MKRN2OS: variants seen among roughly 807,000 people sequenced by gnomAD.
MKRN2OS encodes the protein MKRN2 opposite strand protein.
In MKRN2OS, 17 loss-of-function variants were observed where a neutral mutation model predicts 18.2. The ratio of observed to expected loss-of-function variants is 0.93; its 90% CI spans 0.64 to 1.40. The LOEUF is 1.40. Ranked by LOEUF, MKRN2OS falls within the 40% of genes most tolerant of loss-of-function variation. The pLI is 0.00. For missense variants in MKRN2OS, 337 were observed against 283.0 expected, an observed-to-expected ratio of 1.19 and a Z score of -1.37; for synonymous variants, 121 against 108.5, an observed-to-expected ratio of 1.12 and a Z score of -0.72.
chr3:12,551,950 GAAAA>G (rs976725001), downstream of MKRN2OS, among the ~76,000 whole-genome samples: 1 of 149,608 alleles, frequency 6.7e-6, no homozygotes, highest in Non-Finnish European at 1.5e-5. Context: ...TCAGAAAAAA[GAAAA>G]AAAAATCAAG....
upstream of MKRN2OS, among the ~76,000 whole-genome samples, chr3:12,549,621 C>T (rs1272848230): frequency 6.6e-6 from 1 of 152,184 alleles, no homozygotes; most frequent in African/African-American, 2.4e-5. Flanking sequence ...AATCAGTGCT[C>T]ATTGCAGCCT....
chr3:12,547,105 C>T (rs2057891723), upstream of MKRN2OS, among the ~76,000 whole-genome samples: 1 of 150,970 alleles, frequency 6.6e-6, no homozygotes, highest in Non-Finnish European at 1.5e-5. Context: ...GGGACCCTGT[C>T]TCTAAATAAA....
chr3:12,543,259 G>C, intron 1 of MKRN2OS, 30 bp from the exon 2 acceptor site: 1 of 1,517,460 alleles, frequency 6.6e-7, no homozygotes, highest in Non-Finnish European at 8.8e-7. Flanking sequence ...TTTTTTTTTG[G>C]TTTGCATGTA....
intron 1 of MKRN2OS, among the ~76,000 whole-genome samples, chr3:12,555,068 G>A (rs2057956732): frequency 6.6e-6 from 1 of 152,224 alleles, no homozygotes; most frequent in South Asian, 2.1e-4. Context: ...CCAGCACTTT[G>A]GGAGGCCGAG....
chr3:12,545,354 G>A lies in MKRN2OS; in HGVS notation c.111C>T (p.Gly37=), dbSNP rs1008679719. 3.3e-6 allele frequency: 5 copies of A among 1,535,986 alleles called. No individual in the cohort carries two copies. In the African/African-American group the frequency reaches 5.5e-5, roughly 17 times the overall value. Residue 37 remains glycine (G), a synonymous_variant, in exon 1 of 4, where the codon GGC becomes GGT. Transcript: ENST00000564146. The stretch of plus-strand genomic sequence containing the variant: ...CAGGTGCGTCCTCCAGCTTCCTCGA[G>A]CCCAGGTCCTGCTGGCAGAGAGGGC... ...QCCPLCQQDL[G]SRKLEDAPVS...
upstream of MKRN2OS, among the ~76,000 whole-genome samples, chr3:12,549,745 G>A (rs2057914851): frequency 1.3e-5 from 2 of 152,156 alleles, 1 homozygote; most frequent in South Asian, 4.2e-4. Context: ...TAGAGACAGG[G>A]TCTTGTTATG....
In MKRN2OS at chr3:12,541,918, C is replaced by T; in HGVS notation, c.373G>A (p.Glu125Lys). Residue 125 changes from glutamate (E) to lysine (K), a missense_variant, in exon 3 of 4, where the codon GAG becomes AAG. Transcript: ENST00000564146. The stretch of plus-strand genomic sequence containing the variant: ...TCTTCCAGGTACTTGTCCCATTGCT[C>T]CATCATTCCATACATGTTGGGCTGC... ...LLQPNMYGMM[E>K]QWDKYLEDFS... 2 of 1,536,068 alleles carry T rather than the reference C, an allele frequency of 1.3e-6. No homozygotes were observed. Among genetic ancestry groups the T allele is most frequent in the Non-Finnish European group, 1.7e-6 (2 of 1,146,884 alleles).
intron 3 of MKRN2OS, among the ~76,000 whole-genome samples, chr3:12,540,961 T>C (rs965797569): frequency 6.7e-6 from 1 of 150,032 alleles, no homozygotes; most frequent in Non-Finnish European, 1.5e-5. Flanking sequence ...TGGCATAGAC[T>C]CACCCAGATG....
chr3:12,540,829 G>A (rs1206002798), intron 3 of MKRN2OS, among the ~76,000 whole-genome samples: 1 of 138,186 alleles, frequency 7.2e-6, no homozygotes, highest in Non-Finnish European at 1.5e-5. Context: ...AGCCAAGATC[G>A]CACCACTGTA....
At chr3:12,560,357 C>G (rs2058026103) in intron 1 of MKRN2OS, among the ~76,000 whole-genome samples, 1 of 151,916 alleles carries the variant, frequency 6.6e-6, no homozygotes, top group African/African-American at 2.4e-5. Context: ...CGCCTCTAAT[C>G]AGTACATTTA....
exon 2 of MKRN2OS, chr3:12,554,112 G>A (rs182796408): frequency 1.3e-5 from 2 of 152,302 alleles, no homozygotes; most frequent in East Asian, 3.9e-4. Context: ...TCTCCCGAGT[G>A]TTTGGTAGCA....
downstream of MKRN2OS, chr3:12,553,692 GAAAT>G (rs1205478032): frequency 6.6e-6 from 1 of 152,118 alleles, no homozygotes; most frequent in Non-Finnish European, 1.5e-5. Context: ...GCAAGGAAAA[GAAAT>G]AAAAGATACA....
intron 1 of MKRN2OS, among the ~76,000 whole-genome samples, chr3:12,559,986 G>A (rs1200906463): frequency 6.6e-6 from 1 of 152,172 alleles, no homozygotes. Flanking sequence ...CAGCTGGCAG[G>A]TGGTAGGAAG....
chr3:12,546,574 G>GGTTTTTTTTTTTTTTTTT (rs1559382062), upstream of MKRN2OS, among the ~76,000 whole-genome samples: 1 of 125,056 alleles, frequency 8.0e-6, no homozygotes, highest in African/African-American at 3.3e-5. Context: ...GGGTACATGG[G>GGTTTTTTTTTTTTTTTTT]ATTTTTTTTT....
downstream of MKRN2OS, among the ~76,000 whole-genome samples, chr3:12,551,048 T>C (rs1426075156): frequency 6.6e-6 from 1 of 151,708 alleles, no homozygotes; most frequent in Admixed American, 6.6e-5. Context: ...CGGTGGGACA[T>C]GACAGAGGCA....
upstream of MKRN2OS, among the ~76,000 whole-genome samples, chr3:12,546,896 A>G (rs373290386): frequency 3.0e-4 from 45 of 152,258 alleles, no homozygotes; most frequent in African/African-American, 9.9e-4. Flanking sequence ...ATATTTTGAT[A>G]CAGGCATACA....
At chr3:12,560,120 A>T (rs1360435486) in intron 1 of MKRN2OS, among the ~76,000 whole-genome samples, 2 of 152,198 alleles carry the variant, frequency 1.3e-5, no homozygotes, top group Non-Finnish European at 2.9e-5. Flanking sequence ...AAATTAAATA[A>T]TAGCAACAAA....
chr3:12,557,124 C>A, intron 1 of MKRN2OS: 4 of 1,496,766 alleles, frequency 2.7e-6, no homozygotes, highest in Non-Finnish European at 3.6e-6. Flanking sequence ...GGCGGCGGCA[C>A]GACGACGGTC....
downstream of MKRN2OS, among the ~76,000 whole-genome samples, chr3:12,553,303 A>G (rs532459967): frequency 1.3e-5 from 2 of 152,198 alleles, no homozygotes; most frequent in Non-Finnish European, 2.9e-5. Context: ...GATGATTTAT[A>G]GAAAATATAT....
Sources: allele counts gnomAD v4.1 joint callset (sites outside exome capture counted in the v4.1 genomes callset), GRCh38; gene constraint gnomAD v4.1.1; transcripts MANE v1.5; gene names NCBI Gene and HGNC (gene_info 2026-07-23, HGNC 2026-07-21).